GAB4: variants seen among roughly 807,000 people sequenced by gnomAD.
GAB4 encodes the protein GRB2 associated binding protein family member 4.
Under a neutral mutation model 51.3 loss-of-function variants are expected in GAB4, and 26 were observed. The ratio of observed to expected loss-of-function variants is 0.51; its 90% CI spans 0.37 to 0.70. The LOEUF is 0.70. GAB4 is among the 30% of genes least tolerant of loss of function. The probability of loss-of-function intolerance (pLI) is 0.00; values close to 1 mark genes in which losing one functional copy is unlikely to be tolerated. For missense variants in GAB4, 759 were observed against 734.6 expected (o/e 1.03, Z -0.38); for synonymous variants, 329 against 291.2 (o/e 1.13, Z -1.32).
chr22:16,981,381 C>A (rs1330553118), intron 3 of GAB4, among the ~76,000 whole-genome samples: 1 of 151,810 alleles, frequency 6.6e-6, no homozygotes, highest in African/African-American at 2.4e-5. Flanking sequence ...AATTGATAAT[C>A]CTTTAGCTAG....
chr22:17,004,287 C>T (rs2061021501), intron 1 of GAB4, among the ~76,000 whole-genome samples: 2 of 152,082 alleles, frequency 1.3e-5, no homozygotes, highest in Admixed American at 6.5e-5. Context: ...GAAACTATTC[C>T]AAACAATGCA....
chr22:16,993,154 GA>G (rs1422565376), intron 1 of GAB4, among the ~76,000 whole-genome samples: 1 of 152,094 alleles, frequency 6.6e-6, no homozygotes, highest in African/African-American at 2.4e-5. Context: ...CAACAAGACT[GA>G]GTGATCCATG....
At chr22:16,962,903 G>A (rs780957711) in intron 9 of GAB4, 27 bp from the exon 10 acceptor site, 8 of 1,600,600 alleles carry the variant, frequency 5.0e-6, no homozygotes, top group Admixed American at 1.7e-5. Context: ...GGAAGTGGGA[G>A]TGGCAGTGTC....
chr22:16,999,516 T>C (rs1323788369), intron 1 of GAB4, among the ~76,000 whole-genome samples: 2 of 152,218 alleles, frequency 1.3e-5, no homozygotes, highest in Non-Finnish European at 2.9e-5. Context: ...TTGCATCTAT[T>C]TGATTCTTCT....
chr22:16,992,321 G>T, intron 1 of GAB4, 145 bp from the exon 2 acceptor site: 2 of 686,052 alleles, frequency 2.9e-6, no homozygotes, highest in South Asian at 2.0e-5. Flanking sequence ...TTCAAAGGTG[G>T]AGAGTGACTT....
intron 1 of GAB4, among the ~76,000 whole-genome samples, chr22:17,004,768 T>C (rs1175935101): frequency 6.6e-6 from 1 of 152,064 alleles, no homozygotes; most frequent in Admixed American, 6.6e-5. Flanking sequence ...ATTATCTCAA[T>C]AGATGCAGAA....
intron 3 of GAB4, among the ~76,000 whole-genome samples, chr22:16,971,142 T>C (rs1031804723): frequency 1.2e-4 from 18 of 152,082 alleles, no homozygotes; most frequent in Non-Finnish European, 2.4e-4. Context: ...TGCAGTGAGC[T>C]GAGATCATGC....
intron 3 of GAB4, among the ~76,000 whole-genome samples, chr22:16,987,473 T>A (rs1024965993): frequency 6.6e-6 from 1 of 152,260 alleles, no homozygotes; most frequent in African/African-American, 2.4e-5. Flanking sequence ...TTGTGGCTAC[T>A]ATAACTGAGA....
intron 3 of GAB4, among the ~76,000 whole-genome samples, chr22:16,981,231 G>C (rs1046263390): frequency 6.6e-6 from 1 of 150,490 alleles, no homozygotes; most frequent in Non-Finnish European, 1.5e-5. Flanking sequence ...CCTTAAAAAA[G>C]TTCAAAAGTA....
chr22:16,963,568 G>C (rs138325211), intron 9 of GAB4, among the ~76,000 whole-genome samples, 157 bp downstream of exon 9: 2 of 152,124 alleles, frequency 1.3e-5, no homozygotes, highest in African/African-American at 4.8e-5. Context: ...CAGGAGCCCC[G>C]AGATCCAGAT....
At chr22:16,986,151 G>A (rs1323884130) in intron 3 of GAB4, among the ~76,000 whole-genome samples, 3 of 152,316 alleles carry the variant, frequency 2.0e-5, no homozygotes, top group Non-Finnish European at 2.9e-5. Context: ...ACAGGTGGTG[G>A]TGGCTGTTAG....
At chr22:17,000,629 C>T (rs1391932738) in intron 1 of GAB4, among the ~76,000 whole-genome samples, 3 of 151,970 alleles carry the variant, frequency 2.0e-5, no homozygotes, top group Non-Finnish European at 4.4e-5. Context: ...GAGCATTTAG[C>T]CCATTTACGT....
At chr22:16,963,616 G>T in intron 9 of GAB4, 109 bp downstream of exon 9, 2 of 744,492 alleles carry the variant, frequency 2.7e-6, no homozygotes, top group Non-Finnish European at 4.6e-6. Context: ...GCACTGGGCT[G>T]GGAGTGGCAG....
intron 3 of GAB4, among the ~76,000 whole-genome samples, chr22:16,973,922 C>A (rs2060755384): frequency 6.6e-6 from 1 of 152,244 alleles, no homozygotes. Flanking sequence ...AGGGCCACAT[C>A]CTGTCCCATG....
intron 5 of GAB4, chr22:16,967,541 A>G (rs909519209): frequency 3.9e-5 from 6 of 152,340 alleles, no homozygotes; most frequent in African/African-American, 1.4e-4. Flanking sequence ...CCTCTCCCCC[A>G]ATGGCTGTGA....
At chr22:16,963,579 C>T in intron 9 of GAB4, 146 bp downstream of exon 9, 1 of 643,896 alleles carries the variant, frequency 1.6e-6, no homozygotes, top group South Asian at 1.8e-5. Flanking sequence ...AGATCCAGAT[C>T]AGAGCACCAC....
chr22:16,969,677 A>T, intron 4 of GAB4: 1 of 649,884 alleles, frequency 1.5e-6, no homozygotes, highest in Non-Finnish European at 2.7e-6. Context: ...CAGCAGCAAC[A>T]GACCACCTGC....
chr22:16,965,238 T>G lies in GAB4; in HGVS notation c.1319A>C (p.Asn440Thr), dbSNP rs762656322. 11 of 1,613,918 alleles carry G rather than the reference T, an allele frequency of 6.8e-6. No homozygotes were observed. The Admixed American group carries it at 1.8e-4, about 27-fold the overall frequency. Residue 440 changes from asparagine to threonine, a missense_variant, in exon 7 of 10, where the codon AAC becomes ACC. Physicochemically the swap from Asn to Thr is moderately conservative, Grantham distance 65. Around this residue, in one of 3 missense-constraint regions of GAB4, gnomAD observed 588 missense variants for 510.2 expected, o/e 1.15. Coordinates refer to ENST00000400588, the MANE Select transcript of GAB4 (RefSeq NM_001037814.1). ...GAAGGAGAGCTCATTGATGACCCTG[T>G]TGTTTCTCAGGTTGGGCGGTGTTGG... The part of the protein sequence containing the change: ...ANPTPPNLRN[N>T]RVINELSFKP...
Position 16,970,162 on chromosome 22 carries a change from G to C in GAB4, c.718C>G (p.Pro240Ala), listed in dbSNP as rs902523709. 6.2e-6 allele frequency: 10 copies of C among 1,614,000 alleles called. No individual in the cohort carries two copies. The highest frequency in any genetic ancestry group is 5.0e-5 in the Admixed American group (3 of 59,996). The change falls in exon 4 of 10, where the codon CCA (proline) becomes GCA (alanine). Residue 240 changes from proline (P) to alanine (A), a missense_variant. Coordinates refer to ENST00000400588, the MANE Select transcript of GAB4 (RefSeq NM_001037814.1). ...GCTGTGTTTCTCCTCATGATGAATGGGGCCTCAGAACCCTGGGAGAAGCTG... is the reference window on the plus strand; with the variant it reads ...GCTGTGTTTCTCCTCATGATGAATGCGGCCTCAGAACCCTGGGAGAAGCTG... ...SASFSQGSEA[P>A]FIMRRNTAMQ...
Sources: allele counts gnomAD v4.1 joint callset (sites outside exome capture counted in the v4.1 genomes callset), GRCh38; gene constraint gnomAD v4.1.1; regional missense constraint gnomAD v4.1.1; transcripts MANE v1.5; gene names NCBI Gene and HGNC (gene_info 2026-07-23, HGNC 2026-07-21).